Variants in TMEM135 observed in about 807,000 individuals in gnomAD.
TMEM135 encodes the protein peroxisomal membrane protein 52.
In TMEM135, 30 loss-of-function variants were observed where a neutral mutation model predicts 60.3. The ratio of observed to expected loss-of-function variants is 0.50; its 90% CI spans 0.37 to 0.68. The LOEUF (loss-of-function observed/expected upper bound fraction) is 0.68. Ranked by LOEUF, TMEM135 falls within the 30% of genes least tolerant of loss-of-function variation. The pLI is 0.00. For missense variants in TMEM135, 468 were observed against 548.8 expected (o/e 0.85, Z 1.47); for synonymous variants, 190 against 186.7 (o/e 1.02, Z -0.14).
chr11:87,259,438 A>G (rs148802681), intron 6 of TMEM135, among the ~76,000 whole-genome samples: 240 of 152,286 alleles, frequency 1.6e-3, no homozygotes, highest in African/African-American at 4.5e-3. Context: ...CACACACTAC[A>G]TATATATATC....
intron 4 of TMEM135, among the ~76,000 whole-genome samples, chr11:87,099,112 C>T (rs1392262625): frequency 6.6e-6 from 1 of 152,174 alleles, no homozygotes; most frequent in African/African-American, 2.4e-5. Flanking sequence ...TTTTTAGACA[C>T]TCACATGCTT....
At chr11:87,293,478 C>T (rs1244918663) in intron 6 of TMEM135, among the ~76,000 whole-genome samples, 8 of 152,008 alleles carry the variant, frequency 5.3e-5, no homozygotes. Flanking sequence ...GTTTGCTGCA[C>T]CTATCGAGCA....
chr11:87,253,367 A>G (rs1271361900), intron 6 of TMEM135, among the ~76,000 whole-genome samples: 1 of 152,242 alleles, frequency 6.6e-6, no homozygotes, highest in Admixed American at 6.5e-5. Flanking sequence ...AAAAATGGCC[A>G]GTTGCCTTTC....
chr11:87,108,323 A>G (rs562325377), intron 4 of TMEM135, among the ~76,000 whole-genome samples: 1 of 152,164 alleles, frequency 6.6e-6, no homozygotes, highest in Non-Finnish European at 1.5e-5. Context: ...TGTTTTAGAC[A>G]TGAAGTCCTT....
At chr11:87,191,701 C>T (rs546174643) in intron 5 of TMEM135, among the ~76,000 whole-genome samples, 2 of 152,194 alleles carry the variant, frequency 1.3e-5, no homozygotes, top group African/African-American at 4.8e-5. Flanking sequence ...GTCTATTATT[C>T]GGAATTGTTT....
intron 6 of TMEM135, among the ~76,000 whole-genome samples, chr11:87,286,730 C>T (rs565402215): frequency 2.6e-5 from 4 of 152,290 alleles, no homozygotes; most frequent in Admixed American, 6.5e-5. Flanking sequence ...AAATAGGCAT[C>T]CTGGTTCCTT....
intron 6 of TMEM135, chr11:87,258,982 A>G: frequency 3.3e-6 from 5 of 1,529,054 alleles, no homozygotes; most frequent in Non-Finnish European, 3.6e-6. Flanking sequence ...CTCAAAGACA[A>G]CGGGAAGAAC....
At chr11:87,185,395 G>A (rs374912005) in intron 5 of TMEM135, among the ~76,000 whole-genome samples, 30 of 152,170 alleles carry the variant, frequency 2.0e-4, no homozygotes, top group South Asian at 8.3e-4. Flanking sequence ...AAACCAGACC[G>A]TAAAGCTTCT....
intron 5 of TMEM135, among the ~76,000 whole-genome samples, chr11:87,224,525 A>C (rs1940723650): frequency 6.6e-6 from 1 of 152,130 alleles, no homozygotes; most frequent in African/African-American, 2.4e-5. Flanking sequence ...AGGAGGAAAA[A>C]CATAATATCA....
intron 3 of TMEM135, among the ~76,000 whole-genome samples, chr11:87,089,947 G>C (rs1186519528): frequency 6.6e-6 from 1 of 152,126 alleles, no homozygotes; most frequent in African/African-American, 2.4e-5. Context: ...CAGTTCAGGA[G>C]TACATGTGTA....
At chr11:87,039,431 A>G (rs2513215) in intron 1 of TMEM135, among the ~76,000 whole-genome samples, 35,580 of 152,114 alleles carry the variant, frequency 0.23, 4,637 homozygotes, top group East Asian at 0.52. Flanking sequence ...TGGGGGCTGC[A>G]CTTTGAATAA....
In TMEM135 at chr11:87,265,786, A is replaced by T. The variant is rs567928417; in HGVS notation, c.509+29102A>T. Among the ~76,000 whole-genome samples the T allele has an allele frequency of 4.0e-4, 61 of 152,224 alleles. No individual in the cohort carries two copies. In the South Asian group the frequency reaches 0.011, roughly 27 times the overall value. On this transcript the variant is annotated intron_variant, in intron 6 of 14. Transcript: ENST00000305494. ...TGTATTTCATTTCATCCCTTAGGTC[A>T]TAGCTTATTATTAAACATTGTATAG...
At position 87,324,405 on chromosome 11, in the gene TMEM135, T is replaced by C. The variant is rs1333272135; in HGVS notation, c.*3072T>C. 1 of 453,970 alleles carries C rather than the reference T, an allele frequency of 2.2e-6. No individual in the cohort carries two copies. Among genetic ancestry groups the C allele is most frequent in the Non-Finnish European group, 4.4e-6 (1 of 226,756 alleles). 28.1% of individuals were successfully genotyped at this position (453,970 alleles called of 1,614,324 possible). A position where few individuals can be genotyped will look rare whatever the true frequency, so the allele number is the denominator to read the frequency against. ...GAGAAATTATTAGCCCAGAGATTCC[T>C]TAAATTCTCCGTGTGATTTATTTTT... On this transcript the variant is annotated 3_prime_UTR_variant, in exon 15 of 15. Transcript: ENST00000305494.
At chr11:87,319,400 T>C in intron 14 of TMEM135, 23 bp downstream of exon 14, 1 of 1,542,580 alleles carries the variant, frequency 6.5e-7, no homozygotes, top group East Asian at 2.3e-5. Context: ...GTAGTTTTCT[T>C]AAAAATATTA....
chr11:87,268,178 CT>C (rs774133579), intron 6 of TMEM135, among the ~76,000 whole-genome samples: 1 of 146,394 alleles, frequency 6.8e-6, no homozygotes. Flanking sequence ...CCTTTCTTTT[CT>C]TTTCTTTCTT....
At chr11:87,139,867 T>C (rs1428643686) in intron 4 of TMEM135, among the ~76,000 whole-genome samples, 2 of 152,242 alleles carry the variant, frequency 1.3e-5, no homozygotes, top group African/African-American at 4.8e-5. Flanking sequence ...TATGCACATA[T>C]ATTCATATAT....
intron 5 of TMEM135, among the ~76,000 whole-genome samples, chr11:87,195,385 C>CTCTCTCTCTCTCTCT (rs1386243376): frequency 2.2e-5 from 2 of 91,462 alleles, no homozygotes; most frequent in Admixed American, 1.2e-4. Context: ...TTCCTTCCTT[C>CTCTCTCTCTCTCTCT]CTTCCTTCTC....
chr11:87,203,749 G>A (rs1249798556), intron 5 of TMEM135, among the ~76,000 whole-genome samples: 2 of 152,130 alleles, frequency 1.3e-5, no homozygotes, highest in Non-Finnish European at 2.9e-5. Flanking sequence ...GGATTGTATG[G>A]TAAAAATATG....
chr11:87,230,597 C>T (rs930222457), intron 5 of TMEM135, among the ~76,000 whole-genome samples: 3 of 152,062 alleles, frequency 2.0e-5, no homozygotes, highest in Non-Finnish European at 4.4e-5. Context: ...TGTCAATTTA[C>T]ACATGAAAGT....
Sources: allele counts gnomAD v4.1 joint callset (sites outside exome capture counted in the v4.1 genomes callset), GRCh38; gene constraint gnomAD v4.1.1; transcripts MANE v1.5; gene names NCBI Gene and HGNC (gene_info 2026-07-23, HGNC 2026-07-21).